SPAG16: variants seen among roughly 807,000 people sequenced by gnomAD.
SPAG16 encodes the protein sperm associated antigen 16, also known as sperm-associated antigen 16 protein.
Under a neutral mutation model 80.4 loss-of-function variants are expected in SPAG16, and 86 were observed. The ratio of observed to expected loss-of-function variants is 1.07; its 90% confidence interval spans 0.90 to 1.28. The LOEUF (loss-of-function observed/expected upper bound fraction) is 1.28, where lower values mean the gene tolerates loss of function less well. Among genes scored for constraint, SPAG16 ranks in the 50% most tolerant of loss-of-function variants. SPAG16 has a pLI of 0.00. For missense variants in SPAG16, 870 were observed against 765.3 expected (o/e 1.14, Z -1.61); for synonymous variants, 294 against 265.9 (o/e 1.11, Z -1.03).
At chr2:214,159,399 C>T (rs1431237290) in intron 15 of SPAG16, among the ~76,000 whole-genome samples, 1 of 151,910 alleles carries the variant, frequency 6.6e-6, no homozygotes, top group Non-Finnish European at 1.5e-5. Context: ...AAGAATTTGT[C>T]ATCTTTTTAA....
chr2:213,421,817 G>C (rs992183575), intron 9 of SPAG16, among the ~76,000 whole-genome samples: 7 of 152,010 alleles, frequency 4.6e-5, no homozygotes, highest in African/African-American at 9.7e-5. Context: ...CCAGATCTCT[G>C]CTGAGAGCTG....
At chr2:213,406,404 T>TA (rs2068607953) in intron 9 of SPAG16, among the ~76,000 whole-genome samples, 1 of 152,232 alleles carries the variant, frequency 6.6e-6, no homozygotes, top group Non-Finnish European at 1.5e-5. Context: ...TCTAAATTGC[T>TA]AACTTTGGAA....
intron 10 of SPAG16, among the ~76,000 whole-genome samples, chr2:213,680,562 CTT>C (rs1159021332): frequency 6.6e-6 from 1 of 152,186 alleles, no homozygotes; most frequent in Non-Finnish European, 1.5e-5. Context: ...GAGCAGTCCT[CTT>C]TCTCTCATTC....
At chr2:213,620,952 C>T (rs1196125975) in intron 10 of SPAG16, among the ~76,000 whole-genome samples, 1 of 152,032 alleles carries the variant, frequency 6.6e-6, no homozygotes, top group Admixed American at 6.6e-5. Flanking sequence ...TCATGCTTAA[C>T]TGGACAATTG....
chr2:214,271,897 T>C (rs1576645202), intron 15 of SPAG16, among the ~76,000 whole-genome samples: 1 of 150,910 alleles, frequency 6.6e-6, no homozygotes, highest in East Asian at 2.0e-4. Context: ...AGTCTGTTTT[T>C]ATAGGAATGT....
At chr2:214,163,018 T>C (rs1202988081) in intron 15 of SPAG16, among the ~76,000 whole-genome samples, 1 of 152,108 alleles carries the variant, frequency 6.6e-6, no homozygotes, top group Non-Finnish European at 1.5e-5. Context: ...TTCAAATAAT[T>C]TATACAATTT....
At chr2:213,702,537 C>G (rs1019689867) in intron 10 of SPAG16, among the ~76,000 whole-genome samples, 3 of 152,176 alleles carry the variant, frequency 2.0e-5, no homozygotes, top group African/African-American at 7.2e-5. Context: ...GGGTCCACAG[C>G]TTCATTCTTG....
At chr2:213,730,042 G>A (rs2066957146) in intron 10 of SPAG16, among the ~76,000 whole-genome samples, 1 of 152,134 alleles carries the variant, frequency 6.6e-6, no homozygotes, top group African/African-American at 2.4e-5. Context: ...ATAAATCATG[G>A]TCTGTTTCCA....
chr2:213,889,030 A>T (rs1039747543), intron 11 of SPAG16, among the ~76,000 whole-genome samples: 2 of 151,926 alleles, frequency 1.3e-5, no homozygotes, highest in African/African-American at 4.8e-5. Context: ...ATATTTATTA[A>T]AAAACCTTTA....
At chr2:213,333,342 G>T (rs936257007) in intron 5 of SPAG16, among the ~76,000 whole-genome samples, 6 of 152,032 alleles carry the variant, frequency 3.9e-5, no homozygotes, top group Non-Finnish European at 8.8e-5. Context: ...ACTGATGAAA[G>T]AAATTGAAGA....
chr2:214,212,399 C>T (rs1207944215), intron 15 of SPAG16, among the ~76,000 whole-genome samples: 1 of 152,074 alleles, frequency 6.6e-6, no homozygotes, highest in African/African-American at 2.4e-5. Flanking sequence ...CTCACCTCCC[C>T]GACCACCCAC....
chr2:213,862,518 C>A lies in SPAG16; in HGVS notation c.1104C>A (p.Val368=). The A allele has an allele frequency of 6.2e-7, 1 of 1,614,142 alleles. No individual in the cohort carries two copies. The highest frequency in any genetic ancestry group is 8.5e-7 in the Non-Finnish European group (1 of 1,179,998). ...TGCAACCCCACAAAGACATCCTAGT[C>A]TCCTGTGGCGAGGACCGACTCTGGA... ...VSMQPHKDIL[V]SCGEDRLWKV... The change falls in exon 11 of 16, where the codon GTC becomes GTA. Residue 368 remains valine (V), a synonymous_variant. Transcript: ENST00000331683.
At chr2:213,901,515 T>G (rs1481810919) in intron 11 of SPAG16, among the ~76,000 whole-genome samples, 1 of 152,070 alleles carries the variant, frequency 6.6e-6, no homozygotes, top group African/African-American at 2.4e-5. Flanking sequence ...ATAATACCAC[T>G]GGTAATTCAG....
intron 1 of SPAG16, among the ~76,000 whole-genome samples, chr2:213,291,909 C>G (rs1470426486): frequency 6.6e-6 from 1 of 152,082 alleles, no homozygotes. Flanking sequence ...TAGTTTTGGT[C>G]CATGTGAAAA....
At chr2:213,326,951 C>G (rs185479817) in intron 5 of SPAG16, among the ~76,000 whole-genome samples, 24 of 151,832 alleles carry the variant, frequency 1.6e-4, no homozygotes, top group Middle Eastern at 3.4e-3. Flanking sequence ...TTTTATAGTT[C>G]GATAAGAATA....
chr2:213,899,932 A>G (rs1559565458), intron 11 of SPAG16, among the ~76,000 whole-genome samples: 3 of 152,148 alleles, frequency 2.0e-5, no homozygotes, highest in Admixed American at 6.5e-5. Context: ...AATTCTCTTC[A>G]CTATCCTTGT....
chr2:213,435,081 A>G (rs1039342173), intron 9 of SPAG16, among the ~76,000 whole-genome samples: 1 of 152,220 alleles, frequency 6.6e-6, no homozygotes, highest in Non-Finnish European at 1.5e-5. Flanking sequence ...AGTGATGAAT[A>G]AATAAAGAAA....
intron 10 of SPAG16, among the ~76,000 whole-genome samples, chr2:213,537,038 C>G (rs904835808): frequency 6.6e-6 from 1 of 151,660 alleles, no homozygotes; most frequent in African/African-American, 2.4e-5. Context: ...TGGAAATCAT[C>G]ATTCTCAGTA....
intron 10 of SPAG16, among the ~76,000 whole-genome samples, chr2:213,774,475 G>T (rs1342914122): frequency 6.6e-6 from 1 of 152,132 alleles, no homozygotes; most frequent in Non-Finnish European, 1.5e-5. Context: ...AAGGACATCA[G>T]TCTTATTGAT....
Sources: gnomAD v4.1 joint callset for allele counts (sites outside exome capture counted in the v4.1 genomes callset) on GRCh38, gnomAD v4.1.1 for gene constraint, MANE v1.5 for transcripts, NCBI Gene and HGNC (gene_info 2026-07-23, HGNC 2026-07-21) for gene names.